Variants in ROBO1 observed in about 807,000 individuals in gnomAD.
The protein encoded by ROBO1 is roundabout guidance receptor 1.
Under a neutral mutation model 195.9 loss-of-function variants are expected in ROBO1, and 149 were observed. The ratio of observed to expected loss-of-function variants is 0.76; its 90% CI spans 0.67 to 0.87. ROBO1 has a LOEUF of 0.87. Ranked by LOEUF, ROBO1 falls within the 40% of genes least tolerant of loss-of-function variation. The probability of loss-of-function intolerance (pLI) is 0.00; values close to 1 mark genes in which losing one functional copy is unlikely to be tolerated. For missense variants in ROBO1, 1,933 were observed against 2,068.3 expected (o/e 0.93, Z 1.27); for synonymous variants, 816 against 733.2 (o/e 1.11, Z -1.82).
At chr3:79,295,503 G>A (rs964234592) in intron 2 of ROBO1, among the ~76,000 whole-genome samples, 9 of 152,212 alleles carry the variant, frequency 5.9e-5, no homozygotes, top group South Asian at 2.1e-4. Flanking sequence ...GGTAGGTGAC[G>A]GGTTGATGGG....
In ROBO1 at chr3:78,606,990, T is replaced by C; in HGVS notation, c.4487A>G (p.Gln1496Arg). 4 of 1,613,822 alleles carry C rather than the reference T, an allele frequency of 2.5e-6. No homozygotes were observed. The highest frequency in any genetic ancestry group is 1.1e-5 in the South Asian group (1 of 91,070). Residue 1496 changes from glutamine (Q) to arginine (R), a missense_variant, in exon 29 of 31, where the codon CAA becomes CGA. Physicochemically the swap from Gln to Arg is conservative, Grantham distance 43. Transcript: ENST00000464233. ...PPPAIKSPTA[Q>R]SKTQLEVRPV... ...TCGTACTTCCAGCTGTGTCTTGGAT[T>C]GGGCAGTAGGTGACTTTATAGCAGG... is the stretch of plus-strand genomic sequence containing the variant.
At chr3:78,612,073 G>A (rs895073442) in intron 28 of ROBO1, among the ~76,000 whole-genome samples, 1 of 152,028 alleles carries the variant, frequency 6.6e-6, no homozygotes, top group Non-Finnish European at 1.5e-5. Context: ...CTCTTTATCC[G>A]TTCAGACATG....
chr3:79,347,973 A>T (rs2035188782), intron 2 of ROBO1, among the ~76,000 whole-genome samples: 1 of 152,122 alleles, frequency 6.6e-6, no homozygotes, highest in African/African-American at 2.4e-5. Flanking sequence ...GCACCTTAAG[A>T]GGCCAAGGTG....
At chr3:78,832,013 G>C (rs2032262869) in intron 4 of ROBO1, among the ~76,000 whole-genome samples, 1 of 144,408 alleles carries the variant, frequency 6.9e-6, no homozygotes, top group Non-Finnish European at 1.5e-5. Flanking sequence ...ACCATATCAG[G>C]TATGAGGAAA....
rs79843174 is a variant in ROBO1 at position 78,682,849 on chromosome 3, T to C, written c.1342+2897A>G. ...TTGACTTTTTTATATTAACCTTGTG[T>C]CCAGCAACTTTGCTAAATTCACTCA... On this transcript the variant is annotated intron_variant, in intron 10 of 30. Transcript: ENST00000464233. Among the ~76,000 whole-genome samples the C allele has an allele frequency of 7.0e-3, 1,060 of 151,352 alleles. 17 individuals carry two copies. Among genetic ancestry groups the C allele is most frequent in the African/African-American group, 0.024 (1,002 of 41,396 alleles).
At chr3:79,242,387 A>G (rs1263764720) in intron 2 of ROBO1, among the ~76,000 whole-genome samples, 1 of 152,176 alleles carries the variant, frequency 6.6e-6, no homozygotes. Context: ...GGCCTCCTAT[A>G]TATAATATTT....
intron 4 of ROBO1, among the ~76,000 whole-genome samples, chr3:78,917,099 G>GTT (rs756798186): frequency 0.014 from 1,803 of 127,318 alleles, 94 homozygotes; most frequent in African/African-American, 0.046. Flanking sequence ...TTTGTTTTTC[G>GTT]TTTTTTTTTT....
intron 2 of ROBO1, among the ~76,000 whole-genome samples, chr3:79,523,161 CCACACACACA>C (rs139825740): frequency 0.013 from 1,856 of 146,358 alleles, 34 homozygotes; most frequent in African/African-American, 0.043. Context: ...GCTTCATAAA[CCACACACACA>C]CACACACACA....
At chr3:78,999,536 C>T (rs116314405) in intron 3 of ROBO1, among the ~76,000 whole-genome samples, 258 of 152,090 alleles carry the variant, frequency 1.7e-3, no homozygotes, top group African/African-American at 5.9e-3. Context: ...ATATCAGTGA[C>T]TGCCAGAGGG....
At chr3:78,789,229 T>C (rs2083943913) in intron 4 of ROBO1, among the ~76,000 whole-genome samples, 1 of 152,152 alleles carries the variant, frequency 6.6e-6, no homozygotes, top group South Asian at 2.1e-4. Flanking sequence ...AGTAAGATTA[T>C]CACTTTTAAT....
chr3:78,921,772 C>G (rs963855777), intron 4 of ROBO1, among the ~76,000 whole-genome samples: 2 of 150,732 alleles, frequency 1.3e-5, no homozygotes, highest in Non-Finnish European at 3.0e-5. Flanking sequence ...TATAAAAGAA[C>G]AGGAAACAGC....
intron 8 of ROBO1, among the ~76,000 whole-genome samples, chr3:78,702,712 G>A (rs535807324): frequency 8.5e-5 from 13 of 152,224 alleles, no homozygotes; most frequent in African/African-American, 2.9e-4. Context: ...TCAGAATGTT[G>A]GTTTGGTTTC....
chr3:79,701,511 C>G (rs150911639), intron 1 of ROBO1, among the ~76,000 whole-genome samples: 1 of 151,566 alleles, frequency 6.6e-6, no homozygotes, highest in Non-Finnish European at 1.5e-5. Context: ...GCCAACTAAC[C>G]TTATTACAAA....
intron 1 of ROBO1, among the ~76,000 whole-genome samples, chr3:79,593,177 T>C (rs370016726): frequency 1.4e-4 from 22 of 152,220 alleles, no homozygotes; most frequent in Admixed American, 8.5e-4. Context: ...CATCTTGATT[T>C]CTTCCAAATT....
chr3:78,690,226 GAAGA>G (rs1200089993), intron 8 of ROBO1, among the ~76,000 whole-genome samples: 2 of 151,186 alleles, frequency 1.3e-5, no homozygotes, highest in African/African-American at 4.8e-5. Flanking sequence ...GGGCAAAATT[GAAGA>G]AAGTAATTAG....
chr3:79,262,240 A>T (rs1333464181), intron 2 of ROBO1, among the ~76,000 whole-genome samples: 43 of 152,106 alleles, frequency 2.8e-4, no homozygotes, highest in Admixed American at 2.8e-3. Flanking sequence ...ACACTCACTC[A>T]AGTCATTTTG....
chr3:79,297,658 C>T (rs767334093), intron 2 of ROBO1, among the ~76,000 whole-genome samples: 1 of 152,024 alleles, frequency 6.6e-6, no homozygotes, highest in Admixed American at 6.5e-5. Context: ...AAAATGGATG[C>T]TTCGTGTAAA....
At chr3:79,090,357 T>C (rs1473194884) in intron 3 of ROBO1, among the ~76,000 whole-genome samples, 1 of 152,136 alleles carries the variant, frequency 6.6e-6, no homozygotes, top group Non-Finnish European at 1.5e-5. Flanking sequence ...TCTTAAATAG[T>C]GTCTAAAATA....
At chr3:78,856,598 T>C (rs1418450974) in intron 4 of ROBO1, among the ~76,000 whole-genome samples, 2 of 151,662 alleles carry the variant, frequency 1.3e-5, no homozygotes, top group Admixed American at 6.6e-5. Context: ...TATCTACTTA[T>C]GTGCCCTGAC....
Sources: gnomAD v4.1 joint callset for allele counts (sites outside exome capture counted in the v4.1 genomes callset) on GRCh38, gnomAD v4.1.1 for gene constraint, MANE v1.5 for transcripts, NCBI Gene and HGNC (gene_info 2026-07-23, HGNC 2026-07-21) for gene names.